CELF2: variants seen among roughly 807,000 people sequenced by gnomAD.
The protein encoded by CELF2 is CUGBP Elav-like family member 2, also known as CUG triplet repeat RNA-binding protein 2.
A neutral mutation model predicts 62.6 loss-of-function variants in CELF2; 8 were observed. The ratio of observed to expected loss-of-function variants is 0.13; its 90% CI spans 0.07 to 0.23. The LOEUF (loss-of-function observed/expected upper bound fraction) is 0.23. CELF2 is among the 10% of genes least tolerant of loss of function. The pLI is 1.00. For synonymous variants in CELF2, 258 were observed against 250.0 expected (o/e 1.03, Z -0.30); for missense variants, 333 against 671.0 (o/e 0.50, Z 5.56).
At position 11,109,944 on chromosome 10, in the gene CELF2, G is replaced by A. The variant is rs192238733; in HGVS notation, c.75-55542G>A. Among the ~76,000 whole-genome samples the A allele has an allele frequency of 3.9e-3, 595 of 152,198 alleles. 12 individuals are homozygous for A. Among genetic ancestry groups the A allele is most frequent in the Middle Eastern group, 6.8e-3 (2 of 294 alleles). The stretch of plus-strand genomic sequence containing the variant: ...GACAGGAGTGGACTCATGATGTTTC[G>A]TATTTTAATCTGTGTCTCAAAAAAT... On this transcript the variant is annotated intron_variant, in intron 1 of 12. Transcript: ENST00000633077.
chr10:10,474,584 A>G, the CELF2 span, among the ~76,000 whole-genome samples: 1 of 152,100 alleles, frequency 6.6e-6, no homozygotes, highest in Non-Finnish European at 1.5e-5. Flanking sequence ...ATTTGAATTC[A>G]ATATAATTTT....
At chr10:10,791,415 G>A in the CELF2 span, among the ~76,000 whole-genome samples, 7 of 151,750 alleles carry the variant, frequency 4.6e-5, no homozygotes, top group Non-Finnish European at 7.4e-5. Context: ...TATTTTCAAT[G>A]GGCCCATGTC....
chr10:10,512,069 C>G, the CELF2 span, among the ~76,000 whole-genome samples: 1 of 152,204 alleles, frequency 6.6e-6, no homozygotes, highest in African/African-American at 2.4e-5. Flanking sequence ...CTATGAGGAT[C>G]TGGCAAAGTA....
the CELF2 span, among the ~76,000 whole-genome samples, chr10:10,508,023 A>G: frequency 1.3e-5 from 2 of 152,204 alleles, no homozygotes; most frequent in Non-Finnish European, 2.9e-5. Flanking sequence ...TGTGTGCTAC[A>G]TAAGGTACCA....
chr10:10,948,713 C>T (rs191499870), intron 2 of CELF2, among the ~76,000 whole-genome samples: 5 of 152,234 alleles, frequency 3.3e-5, no homozygotes, highest in Non-Finnish European at 7.4e-5. Flanking sequence ...TGAGCCCTTC[C>T]TCTTCATTCT....
At chr10:10,953,687 G>T (rs1237595375) in intron 2 of CELF2, among the ~76,000 whole-genome samples, 2 of 152,076 alleles carry the variant, frequency 1.3e-5, no homozygotes, top group Admixed American at 6.6e-5. Context: ...ATATCAGAAT[G>T]GGAAAGCCTT....
At chr10:10,728,452 C>CAAA in the CELF2 span, among the ~76,000 whole-genome samples, 92 of 81,386 alleles carry the variant, frequency 1.1e-3, 1 homozygote, top group Middle Eastern at 6.9e-3. Context: ...GACTCTGTTT[C>CAAA]AAAAAAAAAA....
the CELF2 span, among the ~76,000 whole-genome samples, chr10:10,501,384 T>TA: frequency 2.0e-5 from 3 of 152,228 alleles, no homozygotes; most frequent in African/African-American, 4.8e-5. Flanking sequence ...TTCAGGTGCT[T>TA]ATTTGACTTC....
chr10:10,948,363 A>G (rs2047932843), intron 2 of CELF2: 1 of 152,158 alleles, frequency 6.6e-6, no homozygotes, highest in African/African-American at 2.4e-5. Flanking sequence ...AGCTAGCCTC[A>G]GGAGCATGTC....
At chr10:10,757,162 A>C in the CELF2 span, among the ~76,000 whole-genome samples, 2 of 151,812 alleles carry the variant, frequency 1.3e-5, no homozygotes, top group Non-Finnish European at 2.9e-5. Flanking sequence ...CACACAAACA[A>C]ACAAAAAACT....
At chr10:10,657,687 T>C in the CELF2 span, among the ~76,000 whole-genome samples, 1 of 152,152 alleles carries the variant, frequency 6.6e-6, no homozygotes, top group African/African-American at 2.4e-5. Flanking sequence ...TACATACATA[T>C]GTTATTAAGG....
At chr10:11,057,652 T>A (rs182734623) in intron 1 of CELF2, among the ~76,000 whole-genome samples, 1 of 152,090 alleles carries the variant, frequency 6.6e-6, no homozygotes, top group Non-Finnish European at 1.5e-5. Context: ...TCTCTTTTTT[T>A]CCCCCCGATG....
Position 11,145,490 on chromosome 10 carries a change from G to T in CELF2, c.75-19996G>T, listed in dbSNP as rs569266488. Among the ~76,000 whole-genome samples the T allele has an allele frequency of 6.6e-6, 1 of 152,204 alleles. No homozygotes were observed. Among genetic ancestry groups the T allele is most frequent in the Non-Finnish European group, 1.5e-5 (1 of 68,030 alleles). On this transcript the variant is annotated intron_variant, in intron 1 of 12. Coordinates refer to ENST00000633077, the MANE Select transcript of CELF2 (RefSeq NM_001326342.2). This position sits in a 1 kb window ranked among gnomAD's most constrained non-coding sequence, Gnocchi z 4.3. ...ATATAAGAATCAGGTAAAATTGTCCGCACAGAACCAGTTGGTGGGGTGGAG... is the reference window on the plus strand; with the variant it reads ...ATATAAGAATCAGGTAAAATTGTCCTCACAGAACCAGTTGGTGGGGTGGAG...
the CELF2 span, among the ~76,000 whole-genome samples, chr10:10,590,651 G>A: frequency 6.6e-6 from 1 of 152,152 alleles, no homozygotes; most frequent in East Asian, 1.9e-4. Context: ...CAGCCCAACA[G>A]GTCTGCCTTC....
chr10:10,928,514 A>T lies in CELF2; in HGVS notation c.89+8515A>T, dbSNP rs1371470915. On this transcript the variant is annotated intron_variant, in intron 2 of 13. Transcript: ENST00000636488. The surrounding 1 kb of genome is among the most constrained non-coding windows in gnomAD (Gnocchi z 4.8). ...TATAAATATATATATATATGAACAC[A>T]GCCATAACATCTATTTATGTGTTGT... 2.1e-4 allele frequency among the ~76,000 whole-genome samples: 32 copies of T among 152,220 alleles called. No individual in the cohort carries two copies. The highest frequency in any genetic ancestry group is 2.1e-3 in the Admixed American group (32 of 15,282).
At chr10:10,892,201 T>C (rs2062194230) in intron 1 of CELF2, among the ~76,000 whole-genome samples, 2 of 152,196 alleles carry the variant, frequency 1.3e-5, no homozygotes, top group Admixed American at 6.5e-5. Context: ...GGGGTAAGCA[T>C]AGATTTGCTA....
intron 2 of CELF2, among the ~76,000 whole-genome samples, chr10:10,978,034 G>GTTTTTTTTTTTTT (rs527485788): frequency 8.2e-6 from 1 of 121,788 alleles, no homozygotes. Context: ...GTTTTTTTTT[G>GTTTTTTTTTTTTT]TTTTTTGTTT....
chr10:10,747,007 T>C, the CELF2 span, among the ~76,000 whole-genome samples: 8 of 152,360 alleles, frequency 5.3e-5, no homozygotes, highest in South Asian at 8.3e-4. Flanking sequence ...AGCACCTACC[T>C]AGGCTCTGGC....
At chr10:10,722,722 C>G in the CELF2 span, among the ~76,000 whole-genome samples, 2 of 152,190 alleles carry the variant, frequency 1.3e-5, no homozygotes, top group African/African-American at 2.4e-5. Context: ...ACTTGATTTT[C>G]TATGACCAGC....
Sources: gnomAD v4.1 joint callset for allele counts (sites outside exome capture counted in the v4.1 genomes callset) on GRCh38, gnomAD v4.1.1 for gene constraint, Gnocchi (gnomAD v3.1) non-coding constraint, MANE v1.5 for transcripts, NCBI Gene and HGNC (gene_info 2026-07-23, HGNC 2026-07-21) for gene names.